Variants in RGS6 observed in about 807,000 individuals in gnomAD.
RGS6 encodes the protein regulator of G protein signaling 6.
In RGS6, 30 loss-of-function variants were observed where a neutral mutation model predicts 78.5. The observed-to-expected ratio is 0.38, with a 90% CI of 0.29 to 0.52. The LOEUF (loss-of-function observed/expected upper bound fraction) is 0.52. RGS6 is among the 20% of genes least tolerant of loss of function. RGS6 has a pLI of 0.85. For missense variants in RGS6, 495 were observed against 609.7 expected (o/e 0.81, Z 1.98); for synonymous variants, 206 against 206.0 (o/e 1.00, Z 0.00).
chr14:72,541,683 G>A, intron 17 of RGS6: 2 of 1,493,140 alleles, frequency 1.3e-6, no homozygotes, highest in Non-Finnish European at 9.0e-7. Context: ...GCGGGTGGAG[G>A]ATGGTTAGGG....
chr14:72,180,742 C>T (rs540264510), intron 2 of RGS6, among the ~76,000 whole-genome samples: 9 of 152,160 alleles, frequency 5.9e-5, no homozygotes, highest in Non-Finnish European at 1.0e-4. Flanking sequence ...GTGATTGAAT[C>T]GATGCTGTTA....
chr14:72,447,690 C>T (rs922458115), intron 3 of RGS6, among the ~76,000 whole-genome samples: 7 of 152,120 alleles, frequency 4.6e-5, no homozygotes, highest in African/African-American at 1.7e-4. Context: ...TGATGGGTCC[C>T]ATTATTACTG....
rs568294464 is a variant in RGS6, at chr14:72,065,022, T to G, written c.84+100147T>G. On this transcript the variant is annotated intron_variant, in intron 2 of 17. Transcript: ENST00000553525. Reference sequence around the variant, plus strand: ...TATTATAATAGTCAGATTCATTTCATATTTATTTAAAATCCGCGGTGTTTT... The same window carrying G: ...TATTATAATAGTCAGATTCATTTCAGATTTATTTAAAATCCGCGGTGTTTT... Among the ~76,000 whole-genome samples, 3 of 152,366 alleles carry G rather than the reference T, an allele frequency of 2.0e-5. No homozygotes were observed. In the South Asian group the frequency reaches 6.2e-4, roughly 32 times the overall value.
intron 2 of RGS6, among the ~76,000 whole-genome samples, chr14:72,060,781 T>A (rs2093854478): frequency 6.6e-6 from 1 of 152,192 alleles, no homozygotes; most frequent in South Asian, 2.1e-4. Flanking sequence ...GAGCTTTTGG[T>A]TGTTATTGGT....
the RGS6 span, among the ~76,000 whole-genome samples, chr14:72,621,538 C>G: frequency 6.6e-6 from 1 of 152,138 alleles, no homozygotes; most frequent in African/African-American, 2.4e-5. Flanking sequence ...TGCTAAAACC[C>G]GTCAGTGGGG....
At chr14:72,607,730 C>T in the RGS6 span, among the ~76,000 whole-genome samples, 2 of 152,196 alleles carry the variant, frequency 1.3e-5, no homozygotes, top group African/African-American at 4.8e-5. Context: ...AGCAGTTCAG[C>T]ATTGCAGGTC....
intron 2 of RGS6, among the ~76,000 whole-genome samples, chr14:72,070,684 G>A (rs897859690): frequency 6.6e-6 from 1 of 152,120 alleles, no homozygotes; most frequent in Non-Finnish European, 1.5e-5. Context: ...ATTGATGCAG[G>A]CACTCAGCTT....
chr14:72,202,531 C>T (rs1200282309), intron 2 of RGS6, among the ~76,000 whole-genome samples: 1 of 152,160 alleles, frequency 6.6e-6, no homozygotes, highest in Non-Finnish European at 1.5e-5. Flanking sequence ...TCGATGGCCT[C>T]AGTTTAATAT....
intron 17 of RGS6, among the ~76,000 whole-genome samples, chr14:72,551,396 C>T (rs2097504743): frequency 6.6e-6 from 1 of 152,160 alleles, no homozygotes; most frequent in Non-Finnish European, 1.5e-5. Context: ...CTGCCTTTTA[C>T]CCTGCAGGTA....
intron 2 of RGS6, among the ~76,000 whole-genome samples, chr14:72,215,096 G>A (rs1307365377): frequency 6.6e-6 from 1 of 152,108 alleles, no homozygotes; most frequent in African/African-American, 2.4e-5. Context: ...AATTGTATTC[G>A]TTGTTGTTCA....
At chr14:72,204,264 C>T (rs2042232396) in intron 2 of RGS6, among the ~76,000 whole-genome samples, 2 of 152,218 alleles carry the variant, frequency 1.3e-5, no homozygotes, top group Non-Finnish European at 2.9e-5. Flanking sequence ...GCAACCTAAT[C>T]TCAGAAGCAA....
chr14:72,413,566 A>C (rs2093589023), intron 3 of RGS6, among the ~76,000 whole-genome samples: 1 of 152,158 alleles, frequency 6.6e-6, no homozygotes, highest in Non-Finnish European at 1.5e-5. Flanking sequence ...GCCCATTTAC[A>C]TTTAAGGTTA....
chr14:72,583,804 T>A, the RGS6 span, among the ~76,000 whole-genome samples: 1 of 152,106 alleles, frequency 6.6e-6, no homozygotes, highest in Non-Finnish European at 1.5e-5. Flanking sequence ...CCAGTTTGGA[T>A]CTGACTCCTG....
At chr14:72,173,484 C>T (rs1455527920) in intron 2 of RGS6, among the ~76,000 whole-genome samples, 1 of 152,194 alleles carries the variant, frequency 6.6e-6, no homozygotes, top group African/African-American at 2.4e-5. Flanking sequence ...ATGCTCACGG[C>T]AGGATCAGAT....
chr14:72,557,558 C>T (rs1684645451), intron 17 of RGS6, among the ~76,000 whole-genome samples: 1 of 152,104 alleles, frequency 6.6e-6, no homozygotes. Flanking sequence ...AGCAAGTCTC[C>T]CCCAACCCCA....
chr14:71,959,533 G>C (rs140332419), intron 1 of RGS6, among the ~76,000 whole-genome samples: 159 of 152,324 alleles, frequency 1.0e-3, no homozygotes, highest in Non-Finnish European at 1.6e-3. Flanking sequence ...AGAGTGGCAG[G>C]CATGATGTTT....
At chr14:72,071,634 C>T (rs903048431) in intron 2 of RGS6, among the ~76,000 whole-genome samples, 5 of 152,090 alleles carry the variant, frequency 3.3e-5, no homozygotes, top group Admixed American at 6.5e-5. Context: ...GTTGTTATAA[C>T]TTGTTTTTTA....
At chr14:72,573,646 A>G in the RGS6 span, among the ~76,000 whole-genome samples, 1 of 152,130 alleles carries the variant, frequency 6.6e-6, no homozygotes, top group East Asian at 1.9e-4. Flanking sequence ...TCTCCAACCA[A>G]AGATGCCCAC....
chr14:72,340,633 C>G (rs1188432808), intron 2 of RGS6, among the ~76,000 whole-genome samples: 1 of 152,176 alleles, frequency 6.6e-6, no homozygotes, highest in African/African-American at 2.4e-5. Flanking sequence ...GCCTCAGATG[C>G]AGACTCTTTA....
Sources: gnomAD v4.1 joint callset for allele counts (sites outside exome capture counted in the v4.1 genomes callset) on GRCh38, gnomAD v4.1.1 for gene constraint, MANE v1.5 for transcripts, NCBI Gene and HGNC (gene_info 2026-07-23, HGNC 2026-07-21) for gene names.